The following BRDT variants were observed in gnomAD, a reference collection of about 807,000 sequenced individuals.
BRDT encodes bromodomain testis associated.
A neutral mutation model predicts 113.9 loss-of-function variants in BRDT; 77 were observed. That is an observed-to-expected ratio of 0.68 (90% CI 0.56 to 0.82). BRDT has a LOEUF of 0.82. Among genes scored for constraint, BRDT ranks in the 40% least tolerant of loss-of-function variants. The pLI, the probability that BRDT is intolerant of heterozygous loss-of-function variation, is 0.00. For synonymous variants in BRDT, 358 were observed against 366.5 expected (o/e 0.98, Z 0.26); for missense variants, 1,027 against 1,105.4 (o/e 0.93, Z 1.01).
At chr1:91,994,305 CT>C in intron 15 of BRDT, 51 bp downstream of exon 15, 2 of 1,378,416 alleles carry the variant, frequency 1.5e-6, no homozygotes, top group Non-Finnish European at 2.0e-6. Flanking sequence ...ACTTCTAAAC[CT>C]ATACATATAT....
chr1:91,995,148 G>A (rs187820431), intron 15 of BRDT, among the ~76,000 whole-genome samples: 2 of 152,126 alleles, frequency 1.3e-5, no homozygotes, highest in South Asian at 2.1e-4. Flanking sequence ...CTTCTGATAC[G>A]AGTTTAGCCT....
intron 1 of BRDT, among the ~76,000 whole-genome samples, chr1:91,955,011 T>C (rs1462017284): frequency 4.6e-5 from 7 of 152,126 alleles, no homozygotes; most frequent in African/African-American, 1.7e-4. Flanking sequence ...AGACTGCAGA[T>C]TATAGTTGCC....
intron 15 of BRDT, 149 bp downstream of exon 15, chr1:91,994,403 G>A: frequency 1.5e-6 from 1 of 686,904 alleles, no homozygotes. Context: ...AATAATCACT[G>A]AAGCACATCA....
At chr1:91,958,753 A>G (rs1682080807) in intron 1 of BRDT, among the ~76,000 whole-genome samples, 1 of 152,142 alleles carries the variant, frequency 6.6e-6, no homozygotes, top group South Asian at 2.1e-4. Flanking sequence ...TTCTAGATAA[A>G]AAATTAAATG....
intron 12 of BRDT, among the ~76,000 whole-genome samples, chr1:91,983,527 G>T (rs922547656): frequency 1.8e-4 from 27 of 151,926 alleles, no homozygotes; most frequent in Non-Finnish European, 3.5e-4. Context: ...GTGCTGGGAT[G>T]CCAGGCATTA....
Position 91,981,083 on chromosome 1 carries a change from T to C in BRDT, c.1655T>C (p.Ile552Thr), listed in dbSNP as rs915385892. The C allele has an allele frequency of 1.2e-6, 2 of 1,614,068 alleles. No homozygotes were observed. Among genetic ancestry groups the C allele is most frequent in the South Asian group, 1.1e-5 (1 of 91,076 alleles). The change falls in exon 10 of 19, where the codon ATA becomes ACA. Residue 552 changes from isoleucine (I) to threonine (T), a missense_variant. Ile to Thr is a moderately conservative substitution (Grantham distance 89). Transcript: ENST00000399546. Reference sequence around the variant, plus strand: ...CTGAGCAATTCCAATCCTGATGAGATAGAGATAGACTTTGAAACACTGAAA... The same window carrying C: ...CTGAGCAATTCCAATCCTGATGAGACAGAGATAGACTTTGAAACACTGAAA... ...PSLSNSNPDE[I>T]EIDFETLKAS... is the part of the protein sequence containing the mutation.
At chr1:91,986,628 TTAAA>T (rs570108777) in intron 12 of BRDT, among the ~76,000 whole-genome samples, 8 of 152,224 alleles carry the variant, frequency 5.3e-5, no homozygotes, top group Admixed American at 1.3e-4. Context: ...TATAAGTTCT[TTAAA>T]TAACATTTGT....
rs768836657 is a variant in BRDT, at chr1:91,981,031, C to A, written c.1603C>A (p.His535Asn). ...TGGAGATAAACTTGGGCGAGTAGTT[C>A]ACATAATACAATCAAGAGAGCCTTC... ...LPGDKLGRVV[H>N]IIQSREPSLS... Residue 535 changes from histidine to asparagine, a missense_variant, in exon 10 of 19, where the codon CAC becomes AAC. Coordinates refer to ENST00000399546, the MANE Select transcript of BRDT (RefSeq NM_207189.4). 4.3e-6 allele frequency: 7 copies of A among 1,614,056 alleles called. No homozygotes were observed. Among genetic ancestry groups the A allele is most frequent in the Admixed American group, 3.3e-5 (2 of 60,016 alleles).
At chr1:91,955,485 T>C (rs1396809349) in intron 1 of BRDT, among the ~76,000 whole-genome samples, 5 of 152,028 alleles carry the variant, frequency 3.3e-5, no homozygotes, top group African/African-American at 1.2e-4. Context: ...CAAAAACCTC[T>C]TTTGGGTTCT....
chr1:92,004,659 T>G, intron 17 of BRDT, 40 bp downstream of exon 17: 1 of 1,501,954 alleles, frequency 6.7e-7, no homozygotes, highest in Non-Finnish European at 9.0e-7. Context: ...TTGGGAGATA[T>G]AGAATGTATT....
chr1:91,999,976 A>G (rs1269014773), intron 15 of BRDT, among the ~76,000 whole-genome samples: 1 of 152,214 alleles, frequency 6.6e-6, no homozygotes, highest in Non-Finnish European at 1.5e-5. Context: ...CCTGGGCTCA[A>G]GTCATCCTCC....
At chr1:91,997,979 A>G (rs907285251) in intron 15 of BRDT, among the ~76,000 whole-genome samples, 2 of 152,206 alleles carry the variant, frequency 1.3e-5, no homozygotes, top group African/African-American at 4.8e-5. Context: ...AGTTTGACAA[A>G]ATGTTAGAGT....
rs575238529 is a variant in BRDT at position 91,956,509 on chromosome 1, T to G, written c.-37-6209T>G. ...GTAGCTCCTAGCCACATGTGGCTAT[T>G]AAGCACTTGAAATGTGGCTAAGTTT... On this transcript the variant is annotated intron_variant, in intron 1 of 18. Transcript: ENST00000399546. 3.9e-5 allele frequency among the ~76,000 whole-genome samples: 6 copies of G among 152,350 alleles called. No individual in the cohort carries two copies. In the South Asian group the frequency reaches 1.2e-3, roughly 32 times the overall value.
chr1:92,010,486 A>C (rs1687702005), intron 18 of BRDT, among the ~76,000 whole-genome samples: 3 of 151,634 alleles, frequency 2.0e-5, no homozygotes. Flanking sequence ...GGGTTTCCCC[A>C]TGTTGGCCAG....
chr1:91,996,834 C>T (rs1686385219), intron 15 of BRDT, among the ~76,000 whole-genome samples: 1 of 152,080 alleles, frequency 6.6e-6, no homozygotes, highest in Admixed American at 6.6e-5. Flanking sequence ...TGAGATGTTA[C>T]AGAATATCTA....
chr1:91,994,019 G>T (rs1355582247), intron 14 of BRDT, 64 bp from the exon 15 acceptor site: 15 of 1,313,176 alleles, frequency 1.1e-5, no homozygotes, highest in Non-Finnish European at 1.5e-5. Flanking sequence ...TTGTGTTTCT[G>T]TTCTCTTTGG....
Position 91,985,788 on chromosome 1 carries a change from G to A in BRDT, c.2002+4033G>A, listed in dbSNP as rs553158493. ...CGAGCAGCTGGGACTACAGGCGCCC[G>A]CCACCACGCCCGGCTAATTTTTTCT... On this transcript the variant is annotated intron_variant, in intron 12 of 18. Transcript: ENST00000399546. Among the ~76,000 whole-genome samples, 96 of 151,822 alleles carry A rather than the reference G, an allele frequency of 6.3e-4. 1 individual carries two copies. The highest frequency in any genetic ancestry group is 2.2e-3 in the African/African-American group (92 of 41,432).
At chr1:92,008,189 A>C (rs1160683843) in intron 18 of BRDT, among the ~76,000 whole-genome samples, 1 of 152,148 alleles carries the variant, frequency 6.6e-6, no homozygotes, top group Non-Finnish European at 1.5e-5. Context: ...AAGTGCTGGG[A>C]TTATAGGCAT....
chr1:91,964,544 T>C, intron 2 of BRDT, 83 bp from the exon 3 acceptor site: 1 of 854,650 alleles, frequency 1.2e-6, no homozygotes, highest in South Asian at 3.6e-5. Flanking sequence ...GTTGCAGGTG[T>C]ATAGTGCATT....
Sources: gnomAD v4.1 joint callset for allele counts (sites outside exome capture counted in the v4.1 genomes callset) on GRCh38, gnomAD v4.1.1 for gene constraint, MANE v1.5 for transcripts, NCBI Gene and HGNC (gene_info 2026-07-23, HGNC 2026-07-21) for gene names.